Variants in HECW1 observed in about 807,000 individuals in gnomAD.
HECW1 encodes HECT, C2 and WW domain containing E3 ubiquitin protein ligase 1, also known as E3 ubiquitin-protein ligase HECW1.
Under a neutral mutation model 182.3 loss-of-function variants are expected in HECW1, and 61 were observed. The ratio of observed to expected loss-of-function variants is 0.33; its 90% CI spans 0.27 to 0.41. The LOEUF is 0.41. HECW1 is among the 10% of genes least tolerant of loss of function. HECW1 has a pLI of 1.00. For synonymous variants in HECW1, 859 were observed against 832.6 expected, an observed-to-expected ratio of 1.03 and a Z score of -0.55; for missense variants, 1,739 against 2,108.9, an observed-to-expected ratio of 0.82 and a Z score of 3.44.
chr7:43,505,483 C>T (rs77324599), intron 21 of HECW1, among the ~76,000 whole-genome samples: 1,906 of 152,286 alleles, frequency 0.013, 32 homozygotes, highest in African/African-American at 0.044. Flanking sequence ...CAAGGGCTTC[C>T]TACTACACTT....
chr7:43,475,577 G>A (rs544198393), intron 16 of HECW1, among the ~76,000 whole-genome samples: 10 of 151,972 alleles, frequency 6.6e-5, no homozygotes, highest in African/African-American at 2.4e-4. Flanking sequence ...GTGAGACTGG[G>A]TCTCGCTCTG....
chr7:43,496,210 T>C (rs1052736226), intron 19 of HECW1, among the ~76,000 whole-genome samples: 1 of 151,004 alleles, frequency 6.6e-6, no homozygotes, highest in African/African-American at 2.4e-5. Flanking sequence ...GTATGGAAAC[T>C]AATAACCTAT....
intron 3 of HECW1, chr7:43,249,162 G>A (rs1313763280): frequency 1.3e-5 from 2 of 152,314 alleles, no homozygotes; most frequent in Non-Finnish European, 2.9e-5. Context: ...CATCTGCGGA[G>A]CCTTGGCTGC....
intron 8 of HECW1, among the ~76,000 whole-genome samples, chr7:43,418,892 A>G (rs1435777128): frequency 1.3e-5 from 2 of 152,022 alleles, no homozygotes; most frequent in Admixed American, 1.3e-4. Flanking sequence ...TACTGAAGAG[A>G]CTCTGGATTT....
intron 6 of HECW1, among the ~76,000 whole-genome samples, chr7:43,371,094 A>C (rs1817301650): frequency 6.6e-6 from 1 of 151,992 alleles, no homozygotes. Context: ...TCACCATGTT[A>C]GCCAGGATGG....
intron 5 of HECW1, among the ~76,000 whole-genome samples, chr7:43,326,122 G>T (rs114453824): frequency 6.6e-6 from 1 of 151,540 alleles, no homozygotes; most frequent in South Asian, 2.1e-4. Context: ...CTGTTTCTGC[G>T]TAGGACCAGA....
chr7:43,492,382 T>G (rs1302444478), intron 18 of HECW1, among the ~76,000 whole-genome samples: 2 of 152,022 alleles, frequency 1.3e-5, no homozygotes, highest in Non-Finnish European at 2.9e-5. Context: ...CCCTTCCTCC[T>G]CACCTATCTG....
chr7:43,416,800 G>A (rs975511445), intron 8 of HECW1, among the ~76,000 whole-genome samples: 13 of 148,686 alleles, frequency 8.7e-5, no homozygotes, highest in Admixed American at 2.7e-4. Context: ...TTCCAGGTGC[G>A]TCCGTCACCC....
intron 17 of HECW1, among the ~76,000 whole-genome samples, chr7:43,491,586 A>G (rs1405219093): frequency 6.6e-6 from 1 of 152,184 alleles, no homozygotes; most frequent in Non-Finnish European, 1.5e-5. Context: ...TTTGATTAAT[A>G]TTCATGACTT....
Position 43,237,920 on chromosome 7 carries a change from A to G in HECW1, c.-31-5955A>G, listed in dbSNP as rs113574494. Among the ~76,000 whole-genome samples, 539 of 152,200 alleles carry G rather than the reference A, an allele frequency of 3.5e-3. 3 individuals carry two copies. The highest frequency in any genetic ancestry group is 0.012 in the African/African-American group (498 of 41,512). On this transcript the variant is annotated intron_variant, in intron 2 of 29. Transcript: ENST00000395891. ...ATCCATGACAGGAAAGTTAAATGAG[A>G]TACTGAAGCCGATGGGAGAGGGCCC... is the stretch of plus-strand genomic sequence containing the variant.
rs573148087 is a variant in HECW1 at position 43,432,763 on chromosome 7, A to G, written c.802-5240A>G. ...CTAAATTGCTCATTATGCAACTGCT[A>G]CCAGTTTACATAATTGCCAATTAAA... On this transcript the variant is annotated intron_variant, in intron 8 of 29. Transcript: ENST00000395891. This position sits in a 1 kb window ranked among gnomAD's most constrained non-coding sequence, Gnocchi z 4.1. Among the ~76,000 whole-genome samples the G allele has an allele frequency of 1.2e-4, 18 of 152,360 alleles. No homozygotes were observed. Among genetic ancestry groups the G allele is most frequent in the Non-Finnish European group, 1.9e-4 (13 of 68,030 alleles).
intron 2 of HECW1, among the ~76,000 whole-genome samples, chr7:43,145,764 A>G (rs1213345527): frequency 3.3e-5 from 5 of 152,204 alleles, no homozygotes; most frequent in Admixed American, 2.6e-4. Flanking sequence ...GAAACAGAGC[A>G]CTAAATCATT....
intron 2 of HECW1, among the ~76,000 whole-genome samples, chr7:43,149,353 T>C (rs1562599370): frequency 6.6e-6 from 1 of 152,192 alleles, no homozygotes. Flanking sequence ...CTCAGTCTAA[T>C]CATGAGAGAA....
At chr7:43,228,317 C>A (rs1188379463) in intron 2 of HECW1, among the ~76,000 whole-genome samples, 8 of 151,010 alleles carry the variant, frequency 5.3e-5, no homozygotes, top group African/African-American at 1.9e-4. Flanking sequence ...GAGACCTCAT[C>A]TCTACAAAAT....
chr7:43,359,208 G>T (rs914758340), intron 5 of HECW1, among the ~76,000 whole-genome samples: 1 of 152,168 alleles, frequency 6.6e-6, no homozygotes, highest in Non-Finnish European at 1.5e-5. Flanking sequence ...TTAGGTTTAT[G>T]TTTAGCTACA....
intron 13 of HECW1, among the ~76,000 whole-genome samples, chr7:43,463,327 T>C (rs2077651452): frequency 6.6e-6 from 1 of 152,234 alleles, no homozygotes; most frequent in African/African-American, 2.4e-5. Context: ...TGTAGCATTT[T>C]AATTTACTTC....
rs542725950 is a variant in HECW1 at position 43,144,253 on chromosome 7, C to T, written c.-32+29862C>T. 3.9e-4 allele frequency among the ~76,000 whole-genome samples: 60 copies of T among 152,288 alleles called. 3 individuals carry two copies. In the South Asian group the frequency reaches 0.01, roughly 26 times the overall value. ...TTGAAGAGTAAGGTGCCATTTCATTCCATTATATTAACGGTATACAATATC... is the reference window on the plus strand; with the variant it reads ...TTGAAGAGTAAGGTGCCATTTCATTTCATTATATTAACGGTATACAATATC... On this transcript the variant is annotated intron_variant, in intron 2 of 29. Transcript: ENST00000395891.
rs980316582 is a variant in HECW1, at chr7:43,376,011, ATATATATATGAAATATG to A, written c.555+15041_555+15057del. Among the ~76,000 whole-genome samples, 12 of 150,358 alleles carry A rather than the reference ATATATATATGAAATATG, an allele frequency of 8.0e-5. 3 individuals carry two copies. Among genetic ancestry groups the A allele is most frequent in the Middle Eastern group, 6.5e-3 (2 of 306 alleles). Reference sequence around the variant, plus strand: ...TTGAGGTGCATATATATAATCATATATATATATATGAAATATGTATATATATACACACATATATATAC... The same window carrying A: ...TTGAGGTGCATATATATAATCATATATATATATATACACACATATATATAC... On this transcript the variant is annotated intron_variant, in intron 6 of 29. Transcript: ENST00000395891.
At chr7:43,472,750 T>C (rs1469173547) in intron 16 of HECW1, among the ~76,000 whole-genome samples, 1 of 152,146 alleles carries the variant, frequency 6.6e-6, no homozygotes, top group East Asian at 1.9e-4. Flanking sequence ...AAATAGAAAT[T>C]CTTTAAAAAT....
Sources: gnomAD v4.1 joint callset for allele counts (sites outside exome capture counted in the v4.1 genomes callset) on GRCh38, gnomAD v4.1.1 for gene constraint, Gnocchi (gnomAD v3.1) non-coding constraint, MANE v1.5 for transcripts, NCBI Gene and HGNC (gene_info 2026-07-23, HGNC 2026-07-21) for gene names.